Variants in CSMD3 observed in about 807,000 individuals in gnomAD.
The protein encoded by CSMD3 is CUB and sushi domain-containing protein 3.
In CSMD3, 177 loss-of-function variants were observed where a neutral mutation model predicts 435.2. The observed-to-expected ratio is 0.41, with a 90% confidence interval of 0.36 to 0.46. The LOEUF is 0.46. Ranked by LOEUF, CSMD3 falls within the 20% of genes least tolerant of loss-of-function variation. The pLI is 0.34. For missense variants in CSMD3, 4,265 were observed against 4,504.6 expected (o/e 0.95, Z 1.52); for synonymous variants, 1,656 against 1,520.5 (o/e 1.09, Z -2.07).
chr8:112,636,176 T>G (rs980266215), intron 22 of CSMD3, among the ~76,000 whole-genome samples: 1 of 152,110 alleles, frequency 6.6e-6, no homozygotes, highest in African/African-American at 2.4e-5. Flanking sequence ...GTCAAAATAT[T>G]TACTTCCAAA....
intron 4 of CSMD3, among the ~76,000 whole-genome samples, chr8:113,144,553 T>C (rs1037847429): frequency 3.3e-5 from 5 of 151,638 alleles, no homozygotes; most frequent in Admixed American, 2.0e-4. Flanking sequence ...GATGCTTAGA[T>C]CTGCCGTTAA....
chr8:113,173,846 G>T lies in CSMD3; in HGVS notation c.585C>A (p.Asp195Glu), dbSNP rs151216366. 6.2e-7 allele frequency: 1 copy of T among 1,613,826 alleles called. No individual in the cohort carries two copies. Among genetic ancestry groups the T allele is most frequent in the Non-Finnish European group, 8.5e-7 (1 of 1,179,808 alleles). The change falls in exon 4 of 71, where the codon GAC becomes GAA. Residue 195 changes from aspartate (D) to glutamate (E), a missense_variant. Physicochemically the swap from Asp to Glu is conservative, Grantham distance 45. This residue lies in a region of CSMD3 where 731 missense variants were observed against 755.4 expected (regional missense o/e 0.97). Coordinates refer to ENST00000297405, the MANE Select transcript of CSMD3 (RefSeq NM_198123.2). ...AGCTGTAGCGGATCTTGTCCCCGAC[G>T]TCGAATCTTGTGCCATATAATACAC... ...PKGVLYGTRF[D>E]VGDKIRYSCV...
At chr8:113,420,644 A>G (rs1356883402) in intron 1 of CSMD3, among the ~76,000 whole-genome samples, 1 of 152,120 alleles carries the variant, frequency 6.6e-6, no homozygotes, top group Non-Finnish European at 1.5e-5. Flanking sequence ...TATATGTAAT[A>G]TAAAGTAAGA....
chr8:112,298,494 C>G (rs1230463013), intron 53 of CSMD3, among the ~76,000 whole-genome samples: 1 of 151,866 alleles, frequency 6.6e-6, no homozygotes, highest in Non-Finnish European at 1.5e-5. Context: ...TAGACTTTAC[C>G]AAACTTGAAA....
intron 32 of CSMD3, among the ~76,000 whole-genome samples, chr8:112,425,538 T>C (rs1020234401): frequency 2.0e-5 from 3 of 152,136 alleles, no homozygotes; most frequent in African/African-American, 7.2e-5. Context: ...TTATGCATAT[T>C]TTGAGGATGA....
chr8:113,113,762 T>A (rs890054079), intron 4 of CSMD3, among the ~76,000 whole-genome samples: 1 of 152,212 alleles, frequency 6.6e-6, no homozygotes, highest in African/African-American at 2.4e-5. Flanking sequence ...TTTCTGAGAG[T>A]CTTCTCTACA....
intron 29 of CSMD3, 135 bp downstream of exon 29, chr8:112,506,555 CT>C: frequency 1.2e-6 from 1 of 804,282 alleles, no homozygotes; most frequent in Non-Finnish European, 2.0e-6. Context: ...GCTAGAACAA[CT>C]ATTAGCACTG....
intron 13 of CSMD3, among the ~76,000 whole-genome samples, chr8:112,756,437 T>C (rs957328583): frequency 7.2e-5 from 11 of 152,202 alleles, no homozygotes; most frequent in Non-Finnish European, 1.5e-4. Context: ...ATAATTTCAC[T>C]GGCAATATTA....
intron 3 of CSMD3, among the ~76,000 whole-genome samples, chr8:113,216,538 A>G (rs2092908288): frequency 6.6e-6 from 1 of 151,996 alleles, no homozygotes; most frequent in South Asian, 2.1e-4. Flanking sequence ...GCTTCAAAAA[A>G]TGTTAAATAT....
At chr8:112,309,904 G>GT (rs1004254237) in intron 50 of CSMD3, among the ~76,000 whole-genome samples, 8 of 152,004 alleles carry the variant, frequency 5.3e-5, no homozygotes, top group Non-Finnish European at 1.0e-4. Context: ...CTTACATTTT[G>GT]TTTTTTATAA....
At chr8:112,418,633 A>G (rs2130241558) in intron 32 of CSMD3, among the ~76,000 whole-genome samples, 1 of 152,292 alleles carries the variant, frequency 6.6e-6, no homozygotes, top group Non-Finnish European at 1.5e-5. Flanking sequence ...TATTATGAAA[A>G]TTTACTTTCA....
chr8:112,238,970 TA>T (rs1304335444), intron 66 of CSMD3, among the ~76,000 whole-genome samples: 1 of 152,008 alleles, frequency 6.6e-6, no homozygotes, highest in East Asian at 1.9e-4. Context: ...CAATCTAACT[TA>T]ATAGGTAGAC....
At chr8:112,261,831 TA>T (rs1226547583) in intron 61 of CSMD3, among the ~76,000 whole-genome samples, 1 of 152,050 alleles carries the variant, frequency 6.6e-6, no homozygotes, top group Non-Finnish European at 1.5e-5. Context: ...TATTGTGTAA[TA>T]TTTTTTTCAA....
At position 112,340,396 on chromosome 8, in the gene CSMD3, T is replaced by C. The variant is rs1402081068; in HGVS notation, c.6652+1081A>G. ...ACAAATTATAATTATTTCAGATCCA[T>C]GTAATTTGATGTTTAAGACCTATCT... On this transcript the variant is annotated intron_variant, in intron 42 of 70. Coordinates refer to ENST00000297405, the MANE Select transcript of CSMD3 (RefSeq NM_198123.2). Among the ~76,000 whole-genome samples the C allele has an allele frequency of 2.6e-5, 4 of 152,196 alleles. No homozygotes were observed. In the East Asian group the frequency reaches 7.7e-4, roughly 29 times the overall value.
At chr8:112,391,148 C>T (rs1340805829) in intron 35 of CSMD3, among the ~76,000 whole-genome samples, 1 of 152,116 alleles carries the variant, frequency 6.6e-6, no homozygotes, top group African/African-American at 2.4e-5. Flanking sequence ...TTATTTGGTA[C>T]TTTCTCCTTC....
At chr8:112,355,388 G>A (rs774043989) in intron 38 of CSMD3, among the ~76,000 whole-genome samples, 1 of 152,126 alleles carries the variant, frequency 6.6e-6, no homozygotes, top group East Asian at 1.9e-4. Flanking sequence ...CACAGCAAAA[G>A]AAACTGTTAA....
chr8:113,131,603 C>G (rs1411213547), intron 4 of CSMD3, among the ~76,000 whole-genome samples: 1 of 152,060 alleles, frequency 6.6e-6, no homozygotes, highest in African/African-American at 2.4e-5. Context: ...GCTGCAGGGG[C>G]AGAGACCTCA....
At chr8:112,669,331 T>G (rs2075602408) in intron 16 of CSMD3, among the ~76,000 whole-genome samples, 1 of 152,056 alleles carries the variant, frequency 6.6e-6, no homozygotes, top group African/African-American at 2.4e-5. Context: ...GTGCACGGCC[T>G]AAAAATATTA....
chr8:112,937,997 T>A (rs2083337851), intron 9 of CSMD3, among the ~76,000 whole-genome samples: 1 of 152,166 alleles, frequency 6.6e-6, no homozygotes, highest in South Asian at 2.1e-4. Context: ...ATCGTATGAA[T>A]TGGTTCATTC....
Sources: allele counts gnomAD v4.1 joint callset (sites outside exome capture counted in the v4.1 genomes callset), GRCh38; gene constraint gnomAD v4.1.1; regional missense constraint gnomAD v4.1.1; transcripts MANE v1.5; gene names NCBI Gene and HGNC (gene_info 2026-07-23, HGNC 2026-07-21).